Variants in NPVF observed in about 807,000 individuals in gnomAD.
NPVF encodes the protein neuropeptide VF precursor.
NPVF carries 17 observed loss-of-function variants against 15.7 expected under a neutral mutation model. The observed-to-expected ratio is 1.08, with a 90% confidence interval of 0.74 to 1.62. The LOEUF (loss-of-function observed/expected upper bound fraction) is 1.62, where lower values mean the gene tolerates loss of function less well. NPVF is among the 40% of genes most tolerant of loss of function. The pLI is 0.00. For synonymous variants in NPVF, 70 were observed against 80.1 expected (o/e 0.87, Z 0.67); for missense variants, 270 against 225.2 (o/e 1.20, Z -1.27).
In NPVF at chr7:25,226,679, G is replaced by A. The variant is rs753236681; in HGVS notation, c.486C>T (p.Tyr162=). 4.3e-6 allele frequency: 7 copies of A among 1,614,072 alleles called. No homozygotes were observed. The highest frequency in any genetic ancestry group is 3.4e-6 in the Non-Finnish European group (4 of 1,180,028). ...TTTCTTGGTGCTGGCAGGTCATGGA[G>A]TAAAATAAGTCATTGGCACATGGTG... ...MHSPCANDLF[Y]SMTCQHQEIQ... is the part of the protein sequence containing the mutation. The change falls in exon 2 of 3, where the codon TAC becomes TAT. Residue 162 remains tyrosine, a synonymous_variant. Transcript: ENST00000222674.
chr7:25,226,540 T>C lies in NPVF; in HGVS notation c.539+86A>G, dbSNP rs563922541. ...GGAAACTTACTGTCTTAGAAACTTA[T>C]GTTGAAAAGATGTAGTCATTTTTAA... On this transcript the variant is annotated intron_variant, in intron 2 of 2. Coordinates refer to ENST00000222674, the MANE Select transcript of NPVF (RefSeq NM_022150.3). 1.7e-4 allele frequency: 243 copies of C among 1,441,736 alleles called. 1 individual carries two copies. The highest frequency in any genetic ancestry group is 1.2e-3 in the South Asian group (91 of 73,050). 89.3% of individuals were successfully genotyped at this position (1,441,736 alleles called of 1,614,324 possible). A position where few individuals can be genotyped will look rare whatever the true frequency, so the allele number is the denominator to read the frequency against.
rs1344907947 is a variant in NPVF at position 25,225,176 on chromosome 7, A to G, written c.540-3T>C. On this transcript the variant is annotated splice_region_variant and splice_polypyrimidine_tract_variant and intron_variant, in intron 2 of 2. Transcript: ENST00000222674. The stretch of plus-strand genomic sequence containing the variant: ...CTATTTTCTTGAATAGCAGTCTCCT[A>G]AAATGTAAGCAGTATAAAATGTTGT... The G allele has an allele frequency of 6.2e-7, 1 of 1,611,450 alleles. No homozygotes were observed. Among genetic ancestry groups the G allele is most frequent in the East Asian group, 2.2e-5 (1 of 44,880 alleles).
Position 25,226,791 on chromosome 7 carries a change from G to C in NPVF, c.374C>G (p.Pro125Arg), listed in dbSNP as rs1193967782. Residue 125 changes from proline to arginine, a missense_variant, in exon 2 of 3, where the codon CCT (proline) becomes CGT (arginine). Transcript: ENST00000222674. Reference sequence around the variant, plus strand: ...TCTCCCAAACCTTTGGGGCAGGTTAGGAACACGTCTCACGAGGCTCACCTC... The same window carrying C: ...TCTCCCAAACCTTTGGGGCAGGTTACGAACACGTCTCACGAGGCTCACCTC... ...NMEVSLVRRV[P>R]NLPQRFGRTT... The C allele has an allele frequency of 6.2e-7, 1 of 1,614,100 alleles. No individual in the cohort carries two copies. The highest frequency in any genetic ancestry group is 8.5e-7 in the Non-Finnish European group (1 of 1,179,990).
At chr7:25,225,225 A>G in intron 2 of NPVF, 52 bp from the exon 3 acceptor site, 1 of 1,416,136 alleles carries the variant, frequency 7.1e-7, no homozygotes, top group Non-Finnish European at 9.9e-7. Flanking sequence ...AACAGCATGC[A>G]AGTGTGTATA....
At position 25,226,890 on chromosome 7, in the gene NPVF, A is replaced by G; in HGVS notation, c.275T>C (p.Phe92Ser). 6.2e-7 allele frequency: 1 copy of G among 1,614,076 alleles called. No individual in the cohort carries two copies. Residue 92 changes from phenylalanine to serine, a missense_variant, in exon 2 of 3, where the codon TTT (phenylalanine) becomes TCT (serine). By Grantham distance (155) the Phe-to-Ser change is radical. Coordinates refer to ENST00000222674, the MANE Select transcript of NPVF (RefSeq NM_022150.3). Reference protein sequence around the residue: ...PHSFANLPLRFGRNVQEERSA... With the variant: ...PHSFANLPLRSGRNVQEERSA... ...TCTTTCTTCTTGAACGTTCCTCCCA[A>G]ATCTCAATGGCAAGTTGGCGAAGGA...
In NPVF at chr7:25,228,346, T is replaced by A; in HGVS notation, c.94A>T (p.Met32Leu). The A allele has an allele frequency of 6.5e-7, 1 of 1,537,922 alleles. No homozygotes were observed. Among genetic ancestry groups the A allele is most frequent in the Non-Finnish European group, 9.0e-7 (1 of 1,111,968 alleles). ...TTTTCTTTGCTGTGAAGATTGGACATCACTAATTCATCTGCACAAAAAATG... is the reference window on the plus strand; with the variant it reads ...TTTTCTTTGCTGTGAAGATTGGACAACACTAATTCATCTGCACAAAAAATG... Reference protein sequence around the residue: ...SNIFCADELVMSNLHSKENYD... With the variant: ...SNIFCADELVLSNLHSKENYD... The change falls in exon 1 of 3, where the codon ATG becomes TTG. Residue 32 changes from methionine (M) to leucine (L), a missense_variant. Transcript: ENST00000222674.
chr7:25,227,702 A>T (rs10486446), intron 1 of NPVF, among the ~76,000 whole-genome samples: 2 of 152,170 alleles, frequency 1.3e-5, no homozygotes, highest in Admixed American at 1.3e-4. Flanking sequence ...TACAGAGAAT[A>T]TTTAATTAGA....
rs1453456251 is a variant in NPVF at position 25,225,218 on chromosome 7, A to G, written c.540-45T>C. On this transcript the variant is annotated intron_variant, in intron 2 of 2. Coordinates refer to ENST00000222674, the MANE Select transcript of NPVF (RefSeq NM_022150.3). ...AAATGTTGTCACCCATCAGAACAAC[A>G]GCATGCAAGTGTGTATACAAATACA... The G allele has an allele frequency of 2.0e-6, 3 of 1,470,656 alleles. No homozygotes were observed. In the Admixed American group the frequency reaches 5.1e-5, roughly 25 times the overall value. 91.1% of individuals were successfully genotyped at this position (1,470,656 alleles called of 1,614,324 possible). A position where few individuals can be genotyped will look rare whatever the true frequency, so the allele number is the denominator to read the frequency against.
At position 25,225,108 on chromosome 7, in the gene NPVF, A is replaced by G. The variant is rs917462177; in HGVS notation, c.*14T>C. On this transcript the variant is annotated 3_prime_UTR_variant, in exon 3 of 3. Transcript: ENST00000222674. ...GATTACAGGCCACAGCTTTAGGGAC[A>G]GGCTCCAGGTTTCTTATTTTTCTTG... 4.3e-6 allele frequency: 7 copies of G among 1,611,464 alleles called. No homozygotes were observed. The highest frequency in any genetic ancestry group is 2.2e-5 in the East Asian group (1 of 44,876).
At chr7:25,228,236 C>A in intron 1 of NPVF, 66 bp downstream of exon 1, 1 of 1,114,206 alleles carries the variant, frequency 9.0e-7, no homozygotes, top group South Asian at 1.4e-5. Flanking sequence ...TTTACAAAAT[C>A]ATTAGACTTA....
At position 25,224,833 on chromosome 7, in the gene NPVF, A is replaced by AGTGCCAATGATTTTTATTGG; in HGVS notation, c.*288_*289insCCAATAAAAATCATTGGCAC. 3.1e-6 allele frequency: 1 copy of AGTGCCAATGATTTTTATTGG among 325,486 alleles called. No homozygotes were observed. The highest frequency in any genetic ancestry group is 5.5e-6 in the Non-Finnish European group (1 of 181,868). The allele number at this position is 325,486 out of a possible 1,614,324, so 20.2% of individuals were successfully genotyped here. ...GTGTAACTGTGCCAATGATTTTTAT[A>AGTGCCAATGATTTTTATTGG]TAGGGTAGTGAGGAGGGTCCTCTGT... On this transcript the variant is annotated 3_prime_UTR_variant, in exon 3 of 3. Transcript: ENST00000222674.
intron 2 of NPVF, 34 bp from the exon 3 acceptor site, chr7:25,225,207 A>G (rs374450125): frequency 6.5e-7 from 1 of 1,545,430 alleles, no homozygotes; most frequent in Non-Finnish European, 8.9e-7. Context: ...GTTGTCACCC[A>G]TCAGAACAAC....
chr7:25,226,584 A>G (rs1023978572), intron 2 of NPVF, 42 bp downstream of exon 2: 7 of 1,594,208 alleles, frequency 4.4e-6, no homozygotes, highest in Admixed American at 1.7e-5. Context: ...GACCACCTCT[A>G]TATAACTGCC....
rs1225846505 is a variant in NPVF, at chr7:25,228,422, T to C, written c.18A>G (p.Ser6=). The change falls in exon 1 of 3, where the codon TCA becomes TCG. Residue 6 remains serine, a synonymous_variant. Coordinates refer to ENST00000222674, the MANE Select transcript of NPVF (RefSeq NM_022150.3). MEIIS[S]KLFILLTLAT... ...CTAAAGTCAATAAAATGAATAGTTT[T>C]GATGAAATAATTTCCATTTTGTCTA... 4 of 1,588,268 alleles carry C rather than the reference T, an allele frequency of 2.5e-6. No homozygotes were observed. The East Asian group carries it at 9.0e-5, about 36-fold the overall frequency.
At chr7:25,226,135 T>C (rs1783125191) in intron 2 of NPVF, among the ~76,000 whole-genome samples, 1 of 152,190 alleles carries the variant, frequency 6.6e-6, no homozygotes, top group African/African-American at 2.4e-5. Context: ...TAGGAGATAA[T>C]ACATATTTCT....
chr7:25,228,330 C>T lies in NPVF; in HGVS notation c.110G>A (p.Ser37Asn). Reference protein sequence around the residue: ...ADELVMSNLHSKENYDKYSEP... With the variant: ...ADELVMSNLHNKENYDKYSEP... ...AGAATATTTGTCATAATTTTCTTTG[C>T]TGTGAAGATTGGACATCACTAATTC... Residue 37 changes from serine to asparagine, a missense_variant, in exon 1 of 3, where the codon AGC becomes AAC. Physicochemically the swap from Ser to Asn is conservative, Grantham distance 46. Coordinates refer to ENST00000222674, the MANE Select transcript of NPVF (RefSeq NM_022150.3). The T allele has an allele frequency of 6.6e-7, 1 of 1,523,296 alleles. No individual in the cohort carries two copies. Among genetic ancestry groups the T allele is most frequent in the Non-Finnish European group, 9.1e-7 (1 of 1,099,320 alleles). 94.4% of individuals were successfully genotyped at this position (1,523,296 alleles called of 1,614,324 possible). A position where few individuals can be genotyped will look rare whatever the true frequency, so the allele number is the denominator to read the frequency against.
Position 25,225,112 on chromosome 7 carries a change from T to A in NPVF, c.*10A>T. On this transcript the variant is annotated 3_prime_UTR_variant, in exon 3 of 3. Transcript: ENST00000222674. ...ACAGGCCACAGCTTTAGGGACAGGC[T>A]CCAGGTTTCTTATTTTTCTTGTTTC... 6.2e-7 allele frequency: 1 copy of A among 1,612,622 alleles called. No homozygotes were observed. Among genetic ancestry groups the A allele is most frequent in the Non-Finnish European group, 8.5e-7 (1 of 1,179,118 alleles).
Position 25,226,883 on chromosome 7 carries a change from C to G in NPVF, c.282G>C (p.Arg94Ser). Residue 94 changes from arginine (R) to serine (S), a missense_variant, in exon 2 of 3, where the codon AGG (arginine) becomes AGC (serine). Physicochemically the swap from Arg to Ser is moderately radical, Grantham distance 110. Transcript: ENST00000222674. ...SFANLPLRFGRNVQEERSAGA... is the reference protein window; with the variant it reads ...SFANLPLRFGSNVQEERSAGA... The stretch of plus-strand genomic sequence containing the variant: ...CAGCACTTCTTTCTTCTTGAACGTT[C>G]CTCCCAAATCTCAATGGCAAGTTGG... 6.2e-7 allele frequency: 1 copy of G among 1,614,190 alleles called. No homozygotes were observed. Among genetic ancestry groups the G allele is most frequent in the Non-Finnish European group, 8.5e-7 (1 of 1,180,020 alleles).
In NPVF at chr7:25,225,207, A is replaced by T. The variant is rs374450125; in HGVS notation, c.540-34T>A. 2.2e-4 allele frequency: 339 copies of T among 1,545,312 alleles called. 1 individual carries two copies. Among genetic ancestry groups the T allele is most frequent in the Middle Eastern group, 3.7e-4 (2 of 5,338 alleles). On this transcript the variant is annotated intron_variant, in intron 2 of 2. Coordinates refer to ENST00000222674, the MANE Select transcript of NPVF (RefSeq NM_022150.3). ...TAAGCAGTATAAAATGTTGTCACCCATCAGAACAACAGCATGCAAGTGTGT... is the reference window on the plus strand; with the variant it reads ...TAAGCAGTATAAAATGTTGTCACCCTTCAGAACAACAGCATGCAAGTGTGT...
Sources: allele counts gnomAD v4.1 joint callset (sites outside exome capture counted in the v4.1 genomes callset), GRCh38; gene constraint gnomAD v4.1.1; transcripts MANE v1.5; gene names NCBI Gene and HGNC (gene_info 2026-07-23, HGNC 2026-07-21).